The following HSF2BP variants were observed in gnomAD, a reference collection of about 807,000 sequenced individuals.
HSF2BP encodes the protein heat shock transcription factor 2 binding protein, also known as heat shock factor 2-binding protein.
A neutral mutation model predicts 35.0 loss-of-function variants in HSF2BP; 35 were observed. The ratio of observed to expected loss-of-function variants is 1.00; its 90% CI spans 0.76 to 1.32. The LOEUF (loss-of-function observed/expected upper bound fraction) is 1.32. Ranked by LOEUF, HSF2BP falls within the 40% of genes most tolerant of loss-of-function variation. HSF2BP has a pLI of 0.00. For missense variants in HSF2BP, 326 were observed against 321.7 expected (o/e 1.01, Z -0.10); for synonymous variants, 114 against 117.4 (o/e 0.97, Z 0.18).
chr21:43,657,265 C>T (rs111445605), intron 2 of HSF2BP, among the ~76,000 whole-genome samples: 2 of 152,142 alleles, frequency 1.3e-5, no homozygotes, highest in East Asian at 1.9e-4. Context: ...CAGGCTGACA[C>T]GGGAAGAAGG....
intron 7 of HSF2BP, among the ~76,000 whole-genome samples, chr21:43,598,146 T>C (rs936825918): frequency 2.6e-5 from 4 of 151,970 alleles, no homozygotes; most frequent in Non-Finnish European, 2.9e-5. Context: ...AAAGCTAAGG[T>C]CTTCCTTCTC....
At chr21:43,572,576 C>T (rs1198590279) in intron 8 of HSF2BP, among the ~76,000 whole-genome samples, 1 of 152,250 alleles carries the variant, frequency 6.6e-6, no homozygotes, top group African/African-American at 2.4e-5. Context: ...GGACAGAACT[C>T]CCTAGGGCTT....
At chr21:43,598,392 T>TTG (rs1046666761) in intron 7 of HSF2BP, among the ~76,000 whole-genome samples, 1 of 150,514 alleles carries the variant, frequency 6.6e-6, no homozygotes, top group South Asian at 2.1e-4. Flanking sequence ...TTTTTTTGTT[T>TTG]TTTTTTTTTA....
intron 3 of HSF2BP, among the ~76,000 whole-genome samples, chr21:43,652,669 T>C (rs963835923): frequency 1.3e-5 from 2 of 152,174 alleles, no homozygotes; most frequent in African/African-American, 4.8e-5. Flanking sequence ...TTTATTTTTC[T>C]TGATGTTGGC....
intron 3 of HSF2BP, among the ~76,000 whole-genome samples, chr21:43,652,157 C>T (rs894440566): frequency 6.6e-6 from 1 of 152,196 alleles, no homozygotes; most frequent in Non-Finnish European, 1.5e-5. Flanking sequence ...AATTCCAGCA[C>T]TTTGGGAGGC....
Position 43,659,333 on chromosome 21 carries a change from C to G in HSF2BP, c.-225+53G>C, listed in dbSNP as rs1034809641. ...CAAAAACAAACAAAAAATCCTAGACCGTTTACAAACAGCCTTCCGTCTCTT... is the reference window on the plus strand; with the variant it reads ...CAAAAACAAACAAAAAATCCTAGACGGTTTACAAACAGCCTTCCGTCTCTT... On this transcript the variant is annotated intron_variant, in intron 1 of 8. Transcript: ENST00000291560. This position sits in a 1 kb window ranked among gnomAD's most constrained non-coding sequence, Gnocchi z 4.2. The G allele has an allele frequency of 5.7e-5, 9 of 158,900 alleles. No individual in the cohort carries two copies. The highest frequency in any genetic ancestry group is 1.9e-4 in the Admixed American group (3 of 15,458). The allele number at this position is 158,900 out of a possible 1,614,324, so 9.8% of individuals were successfully genotyped here.
At position 43,597,840 on chromosome 21, in the gene HSF2BP, C is replaced by G. The variant is rs1012564793; in HGVS notation, c.693-5512G>C. ...CCCAAAATTTTAAATAAAGATGGAA[C>G]TGGTCACATACTGGAGCCTAAGGCA... On this transcript the variant is annotated intron_variant, in intron 7 of 8. Coordinates refer to ENST00000291560, the MANE Select transcript of HSF2BP (RefSeq NM_007031.2). This position sits in a 1 kb window ranked among gnomAD's most constrained non-coding sequence, Gnocchi z 4.3. Among the ~76,000 whole-genome samples the G allele has an allele frequency of 1.3e-5, 2 of 152,206 alleles. No individual in the cohort carries two copies. Among genetic ancestry groups the G allele is most frequent in the South Asian group, 2.1e-4 (1 of 4,826 alleles).
intron 6 of HSF2BP, among the ~76,000 whole-genome samples, chr21:43,620,777 G>A (rs577826938): frequency 5.1e-4 from 78 of 152,148 alleles, no homozygotes; most frequent in African/African-American, 1.8e-3. Flanking sequence ...TCCTGGAACT[G>A]AGAAACACAT....
intron 8 of HSF2BP, among the ~76,000 whole-genome samples, chr21:43,586,802 G>A (rs1343679319): frequency 3.3e-5 from 5 of 151,514 alleles, no homozygotes; most frequent in African/African-American, 1.2e-4. Flanking sequence ...TTTTTTCCTC[G>A]ATCTTATTTT....
In HSF2BP at chr21:43,578,349, ATG is replaced by A. The variant is rs112606928; in HGVS notation, c.796+13874_796+13875del. ...TCTCTAGGGATGAGATTCCCTAGAG[ATG>A]TGTGTGTGTGTGTGCATTCTCTTTT... On this transcript the variant is annotated intron_variant, in intron 8 of 8. Coordinates refer to ENST00000291560, the MANE Select transcript of HSF2BP (RefSeq NM_007031.2). 1.5e-3 allele frequency among the ~76,000 whole-genome samples: 230 copies of A among 151,128 alleles called. 2 individuals carry two copies. The highest frequency in any genetic ancestry group is 5.3e-3 in the African/African-American group (218 of 41,192).
At chr21:43,591,682 C>CA (rs1359729796) in intron 8 of HSF2BP, among the ~76,000 whole-genome samples, 3 of 152,186 alleles carry the variant, frequency 2.0e-5, no homozygotes, top group South Asian at 2.1e-4. Context: ...TTTCACCTTC[C>CA]ACAGTTTCAC....
chr21:43,612,548 G>C (rs1169951615), intron 7 of HSF2BP, among the ~76,000 whole-genome samples: 1 of 151,798 alleles, frequency 6.6e-6, no homozygotes, highest in East Asian at 1.9e-4. Context: ...CTACTTGGAA[G>C]GCTGAGGCAG....
chr21:43,616,171 C>T (rs901593849), intron 6 of HSF2BP, among the ~76,000 whole-genome samples: 3 of 152,058 alleles, frequency 2.0e-5, no homozygotes, highest in Non-Finnish European at 4.4e-5. Context: ...ACCTACACTG[C>T]GACTCACTTG....
In HSF2BP at chr21:43,605,082, A is replaced by G. The variant is rs574030612; in HGVS notation, c.692+8748T>C. Among the ~76,000 whole-genome samples, 758 of 148,062 alleles carry G rather than the reference A, an allele frequency of 5.1e-3. 8 individuals carry two copies. Among genetic ancestry groups the G allele is most frequent in the African/African-American group, 0.018 (712 of 40,058 alleles). On this transcript the variant is annotated intron_variant, in intron 7 of 8. Coordinates refer to ENST00000291560, the MANE Select transcript of HSF2BP (RefSeq NM_007031.2). ...ACACCACACACATCACACGTACCACATAACACAACACACATACATCACACA... is the reference window on the plus strand; with the variant it reads ...ACACCACACACATCACACGTACCACGTAACACAACACACATACATCACACA...
chr21:43,628,679 G>A (rs1399860754), intron 6 of HSF2BP, among the ~76,000 whole-genome samples: 1 of 152,256 alleles, frequency 6.6e-6, no homozygotes, highest in African/African-American at 2.4e-5. Flanking sequence ...TGTAGACAAA[G>A]TCGCTTTCTA....
rs971242721 is a variant in HSF2BP, at chr21:43,658,009, C to T, written c.36+52G>A. ...GCACGGGGCGAGGCCCTGAGGGGAG[C>T]GAATGGCGACGGTTCAAACACGCTG... On this transcript the variant is annotated intron_variant, in intron 2 of 8. Coordinates refer to ENST00000291560, the MANE Select transcript of HSF2BP (RefSeq NM_007031.2). The T allele has an allele frequency of 5.2e-6, 8 of 1,534,240 alleles. No homozygotes were observed. The African/African-American group carries it at 5.5e-5, about 11-fold the overall frequency.
chr21:43,628,517 G>A (rs1237958224), intron 6 of HSF2BP, among the ~76,000 whole-genome samples: 1 of 152,224 alleles, frequency 6.6e-6, no homozygotes, highest in Non-Finnish European at 1.5e-5. Context: ...GCTAGTACAG[G>A]TTGCTTCATG....
At chr21:43,587,519 G>C (rs2081867852) in intron 8 of HSF2BP, among the ~76,000 whole-genome samples, 1 of 152,132 alleles carries the variant, frequency 6.6e-6, no homozygotes, top group Non-Finnish European at 1.5e-5. Flanking sequence ...TACAAAATTA[G>C]CCGGGCGTGG....
At chr21:43,573,609 G>A (rs1251004705) in intron 8 of HSF2BP, among the ~76,000 whole-genome samples, 1 of 152,182 alleles carries the variant, frequency 6.6e-6, no homozygotes, top group African/African-American at 2.4e-5. Flanking sequence ...CCCAGCTCTG[G>A]GTCACAACTG....
Sources: gnomAD v4.1 joint callset for allele counts (sites outside exome capture counted in the v4.1 genomes callset) on GRCh38, gnomAD v4.1.1 for gene constraint, Gnocchi (gnomAD v3.1) non-coding constraint, MANE v1.5 for transcripts, NCBI Gene and HGNC (gene_info 2026-07-23, HGNC 2026-07-21) for gene names.